The following APBB1IP variants were observed in gnomAD, a reference collection of about 807,000 sequenced individuals.
APBB1IP encodes the protein amyloid beta precursor protein binding family B member 1 interacting protein.
A neutral mutation model predicts 64.9 loss-of-function variants in APBB1IP; 27 were observed. The ratio of observed to expected loss-of-function variants is 0.42; its 90% confidence interval spans 0.31 to 0.57. The LOEUF is 0.57. Ranked by LOEUF, APBB1IP falls within the 20% of genes least tolerant of loss-of-function variation. The probability of loss-of-function intolerance (pLI) is 0.20; values close to 1 mark genes in which losing one functional copy is unlikely to be tolerated. For synonymous variants in APBB1IP, 392 were observed against 331.0 expected, an observed-to-expected ratio of 1.18 and a Z score of -2.00; for missense variants, 812 against 845.5, an observed-to-expected ratio of 0.96 and a Z score of 0.49.
chr10:26,475,156 T>A (rs950311736), intron 2 of APBB1IP, among the ~76,000 whole-genome samples: 2 of 150,698 alleles, frequency 1.3e-5, no homozygotes, highest in African/African-American at 4.9e-5. Context: ...AGAGTCTCAC[T>A]CTGTTGTCCA....
In APBB1IP at chr10:26,492,411, T is replaced by C; in HGVS notation, c.72+13T>C. 1 of 1,612,388 alleles carries C rather than the reference T, an allele frequency of 6.2e-7. No individual in the cohort carries two copies. Among genetic ancestry groups the C allele is most frequent in the Non-Finnish European group, 8.5e-7 (1 of 1,178,984 alleles). On this transcript the variant is annotated intron_variant, in intron 3 of 14. Coordinates refer to ENST00000376236, the MANE Select transcript of APBB1IP (RefSeq NM_019043.4). ...TCTTCTGACTCAGGTAAACTTCCCT[T>C]TTTAACTGGCAAATTGGAAAACAAA...
Position 26,513,544 on chromosome 10 carries a change from T to A in APBB1IP, c.697T>A (p.Phe233Ile). 1 of 1,611,340 alleles carries A rather than the reference T, an allele frequency of 6.2e-7. No individual in the cohort carries two copies. The highest frequency in any genetic ancestry group is 1.1e-5 in the South Asian group (1 of 90,090). The change falls in exon 8 of 15, where the codon TTT becomes ATT. Residue 233 changes from phenylalanine (F) to isoleucine (I), a missense_variant. Coordinates refer to ENST00000376236, the MANE Select transcript of APBB1IP (RefSeq NM_019043.4). ...ACCTTTTCTTATTTCATCAGAGAGGTTTTTTGAAGACCATGAAAATGTTGT... is the reference window on the plus strand; with the variant it reads ...ACCTTTTCTTATTTCATCAGAGAGGATTTTTGAAGACCATGAAAATGTTGT... ...EIYPELQIER[F>I]FEDHENVVEV...
chr10:26,552,209 G>A (rs1836840176), intron 11 of APBB1IP, among the ~76,000 whole-genome samples: 1 of 152,158 alleles, frequency 6.6e-6, no homozygotes. Context: ...TCTGAGGCAG[G>A]AGGATCCCTT....
intron 2 of APBB1IP, among the ~76,000 whole-genome samples, chr10:26,477,485 A>G (rs1294472996): frequency 1.3e-5 from 2 of 152,168 alleles, no homozygotes; most frequent in African/African-American, 2.4e-5. Context: ...TTCTCCAACC[A>G]TCTTTCACCT....
intron 12 of APBB1IP, 39 bp downstream of exon 12, chr10:26,560,242 C>G: frequency 6.3e-7 from 1 of 1,579,594 alleles, no homozygotes; most frequent in Non-Finnish European, 8.7e-7. Context: ...CTTGAACTTG[C>G]CAGCCAACTT....
chr10:26,448,858 T>C (rs940500588), intron 2 of APBB1IP, among the ~76,000 whole-genome samples: 1 of 152,186 alleles, frequency 6.6e-6, no homozygotes, highest in Non-Finnish European at 1.5e-5. Flanking sequence ...TCAACCCACA[T>C]CCGGCAAAAT....
At chr10:26,478,220 G>A (rs1485969179) in intron 2 of APBB1IP, among the ~76,000 whole-genome samples, 1 of 152,212 alleles carries the variant, frequency 6.6e-6, no homozygotes, top group African/African-American at 2.4e-5. Flanking sequence ...GGGTGAGTAG[G>A]GAACAGGTGT....
intron 2 of APBB1IP, among the ~76,000 whole-genome samples, chr10:26,463,799 C>T (rs1024243813): frequency 5.3e-5 from 8 of 152,140 alleles, no homozygotes; most frequent in African/African-American, 1.9e-4. Context: ...CATATGTATG[C>T]ATGTGCCATG....
chr10:26,565,425 G>A (rs1837029032), intron 14 of APBB1IP, among the ~76,000 whole-genome samples: 2 of 152,222 alleles, frequency 1.3e-5, no homozygotes, highest in African/African-American at 4.8e-5. Context: ...AATGAGCTGA[G>A]GGTGGTTTAT....
In APBB1IP at chr10:26,567,593, A is replaced by T. The variant is rs760444650; in HGVS notation, c.*105A>T. The stretch of plus-strand genomic sequence containing the variant: ...TCTTGTTCATTTCAGATAAAATGTG[A>T]TGGGAAACTTCTCACTGATGTGCTC... On this transcript the variant is annotated 3_prime_UTR_variant, in exon 15 of 15. Coordinates refer to ENST00000376236, the MANE Select transcript of APBB1IP (RefSeq NM_019043.4). 1 of 1,455,504 alleles carries T rather than the reference A, an allele frequency of 6.9e-7. No individual in the cohort carries two copies. Among genetic ancestry groups the T allele is most frequent in the East Asian group, 3.0e-5 (1 of 33,770 alleles). 90.2% of individuals were successfully genotyped at this position (1,455,504 alleles called of 1,614,324 possible).
chr10:26,561,064 CTTTTTTTTT>C (rs764573338), intron 13 of APBB1IP, among the ~76,000 whole-genome samples: 1 of 69,208 alleles, frequency 1.4e-5, no homozygotes, highest in Non-Finnish European at 2.5e-5. Context: ...TTCTTTCTTT[CTTTTTTTTT>C]TTTTTTTTTT....
intron 14 of APBB1IP, among the ~76,000 whole-genome samples, chr10:26,564,857 A>G (rs1050053046): frequency 1.3e-5 from 2 of 152,000 alleles, no homozygotes; most frequent in African/African-American, 2.4e-5. Flanking sequence ...GAAAAAGTAA[A>G]CTTATTAGAG....
rs1180835055 is a variant in APBB1IP at position 26,567,269 on chromosome 10, G to C, written c.1782G>C (p.Ala594=). 5.6e-6 allele frequency: 7 copies of C among 1,256,772 alleles called. No homozygotes were observed. The highest frequency in any genetic ancestry group is 2.1e-5 in the South Asian group (1 of 47,082). 77.9% of individuals were successfully genotyped at this position (1,256,772 alleles called of 1,614,324 possible). A position where few individuals can be genotyped will look rare whatever the true frequency, so the allele number is the denominator to read the frequency against. ...CCCCGCCGTCGTACGCAGGGATCGC[G>C]GGCTCAGAGCTGCCCCCGCCGCCGC... The part of the protein sequence containing the change: ...PPPPPSYAGI[A]GSELPPPPPP... Residue 594 remains alanine, a synonymous_variant, in exon 15 of 15, where the codon GCG becomes GCC. Transcript: ENST00000376236.
At chr10:26,515,423 C>G (rs1256706539) in intron 8 of APBB1IP, among the ~76,000 whole-genome samples, 1 of 152,166 alleles carries the variant, frequency 6.6e-6, no homozygotes, top group Non-Finnish European at 1.5e-5. Flanking sequence ...GAGGGAAGAG[C>G]CGGGGAAATG....
In APBB1IP at chr10:26,567,317, C is replaced by T. The variant is rs761355449; in HGVS notation, c.1830C>T (p.Pro610=). 83 of 1,220,390 alleles carry T rather than the reference C, an allele frequency of 6.8e-5. 1 individual carries two copies. The highest frequency in any genetic ancestry group is 8.2e-5 in the Non-Finnish European group (79 of 962,720). The allele number at this position is 1,220,390 out of a possible 1,614,324, so 75.6% of individuals were successfully genotyped here. ...PPPPPPPAPA[P]APVPDSARPP... ...CGCCGCCGCCGCCCGCGCCCGCGCC[C>T]GCCCCCGTCCCCGACTCCGCCAGGC... Residue 610 remains proline, a synonymous_variant, in exon 15 of 15, where the codon CCC becomes CCT. Transcript: ENST00000376236.
chr10:26,455,254 G>T lies in APBB1IP; in HGVS notation c.-1+16401G>T, dbSNP rs151249790. Among the ~76,000 whole-genome samples the T allele has an allele frequency of 1.0e-3, 158 of 152,324 alleles. 1 individual carries two copies. Among genetic ancestry groups the T allele is most frequent in the African/African-American group, 3.8e-3 (157 of 41,570 alleles). The stretch of plus-strand genomic sequence containing the variant: ...TTAAGAAGGAAAAAGTCAGGCCTGG[G>T]CACAGTGGCTCACGCCTGTAATCCC... On this transcript the variant is annotated intron_variant, in intron 2 of 14. Coordinates refer to ENST00000376236, the MANE Select transcript of APBB1IP (RefSeq NM_019043.4).
intron 2 of APBB1IP, among the ~76,000 whole-genome samples, chr10:26,462,689 T>C (rs1219498022): frequency 1.3e-5 from 2 of 152,216 alleles, no homozygotes; most frequent in Non-Finnish European, 2.9e-5. Flanking sequence ...TGTTTTCCTA[T>C]TTTAGGAATG....
chr10:26,459,817 A>G (rs1210189304), intron 2 of APBB1IP, among the ~76,000 whole-genome samples: 1 of 152,152 alleles, frequency 6.6e-6, no homozygotes, highest in African/African-American at 2.4e-5. Context: ...TCTGGCACAT[A>G]ACTAGTTTTC....
At chr10:26,535,560 T>C (rs1342398735) in intron 9 of APBB1IP, among the ~76,000 whole-genome samples, 1 of 152,200 alleles carries the variant, frequency 6.6e-6, no homozygotes, top group East Asian at 1.9e-4. Flanking sequence ...ATTCATTCTT[T>C]CTATTTTTTT....
Sources: gnomAD v4.1 joint callset for allele counts (sites outside exome capture counted in the v4.1 genomes callset) on GRCh38, gnomAD v4.1.1 for gene constraint, MANE v1.5 for transcripts, NCBI Gene and HGNC (gene_info 2026-07-23, HGNC 2026-07-21) for gene names.